The following TMEM235 variants were observed in gnomAD, a reference collection of about 807,000 sequenced individuals.
TMEM235 encodes the protein claudin-27.
In TMEM235, 23 loss-of-function variants were observed where a neutral mutation model predicts 22.9. The ratio of observed to expected loss-of-function variants is 1.00; its 90% CI spans 0.72 to 1.42. The LOEUF is 1.42. Ranked by LOEUF, TMEM235 falls within the 40% of genes most tolerant of loss-of-function variation. The pLI, the probability that TMEM235 is intolerant of heterozygous loss-of-function variation, is 0.00. For missense variants in TMEM235, 308 were observed against 299.5 expected (o/e 1.03, Z -0.21); for synonymous variants, 137 against 140.5 (o/e 0.98, Z 0.17).
At chr17:78,239,668 A>T in intron 5 of TMEM235, 112 bp from the exon 5 acceptor site, 2 of 1,455,336 alleles carry the variant, frequency 1.4e-6, no homozygotes, top group Non-Finnish European at 1.8e-6. Flanking sequence ...CCCCATTCCT[A>T]AGGACCTGGG....
intron 2 of TMEM235, 75 bp from the exon 2 acceptor site, chr17:78,233,820 G>A: frequency 1.5e-6 from 2 of 1,379,186 alleles, no homozygotes; most frequent in South Asian, 2.5e-5. Context: ...GTGCCAGGGG[G>A]TCCCCTGGGC....
In TMEM235 at chr17:78,238,961, C is replaced by G. The variant is rs1021722010; in HGVS notation, c.410-63C>G. 1 of 1,492,796 alleles carries G rather than the reference C, an allele frequency of 6.7e-7. No homozygotes were observed. Among genetic ancestry groups the G allele is most frequent in the African/African-American group, 1.4e-5 (1 of 72,368 alleles). 92.5% of individuals were successfully genotyped at this position (1,492,796 alleles called of 1,614,324 possible). A position where few individuals can be genotyped will look rare whatever the true frequency, so the allele number is the denominator to read the frequency against. On this transcript the variant is annotated intron_variant, in intron 4 of 5. Coordinates refer to ENST00000421688, the Ensembl canonical transcript of TMEM235. This position sits in a 1 kb window ranked among gnomAD's most constrained non-coding sequence, Gnocchi z 4.3. ...GGATGCTGAGGCCATGTCTGCAGGA[C>G]CACCTGGGCCTGGGCCCGCTAGAGC...
chr17:78,239,007 C>A lies in TMEM235; in HGVS notation c.410-17C>A. On this transcript the variant is annotated splice_polypyrimidine_tract_variant and intron_variant, in intron 4 of 5. Coordinates refer to ENST00000421688, the Ensembl canonical transcript of TMEM235. Reference sequence around the variant, plus strand: ...AGAGCAGACACCGAGCAGCTGCCCTCCCCATCTCTCCCCCAGGTGTCCTGA... The same window carrying A: ...AGAGCAGACACCGAGCAGCTGCCCTACCCATCTCTCCCCCAGGTGTCCTGA... 1 of 1,530,984 alleles carries A rather than the reference C, an allele frequency of 6.5e-7. No individual in the cohort carries two copies. The highest frequency in any genetic ancestry group is 8.8e-7 in the Non-Finnish European group (1 of 1,139,180). The allele number at this position is 1,530,984 out of a possible 1,614,324, so 94.8% of individuals were successfully genotyped here. A position where few individuals can be genotyped will look rare whatever the true frequency, so the allele number is the denominator to read the frequency against.
chr17:78,234,197 T>G (rs1262968250), intron 3 of TMEM235: 1 of 702,050 alleles, frequency 1.4e-6, no homozygotes, highest in Non-Finnish European at 2.6e-6. Flanking sequence ...TCCCTCTCAG[T>G]GGTGATGGCT....
intron 2 of TMEM235, 39 bp from the exon 2 acceptor site, chr17:78,233,856 A>C (rs1272516632): frequency 6.5e-7 from 1 of 1,530,472 alleles, no homozygotes; most frequent in East Asian, 2.4e-5. Flanking sequence ...GGTGCACCAC[A>C]GCGTCCAGGC....
chr17:78,240,281 G>A (rs1209384742), exon 6 of TMEM235: 9 of 285,114 alleles, frequency 3.2e-5, no homozygotes, highest in South Asian at 2.5e-4. Context: ...CCTGGCTGAG[G>A]GTGCTTCTTG....
chr17:78,233,138 T>C (rs2076603338), intron 2 of TMEM235, among the ~76,000 whole-genome samples: 1 of 152,230 alleles, frequency 6.6e-6, no homozygotes, highest in South Asian at 2.1e-4. Context: ...CATGCACCTG[T>C]GTGCACGTGT....
In TMEM235 at chr17:78,239,981, C is replaced by T. The variant is rs2076691391; in HGVS notation, c.*189C>T. 3.2e-6 allele frequency: 5 copies of T among 1,546,668 alleles called. No homozygotes were observed. In the East Asian group the frequency reaches 1.2e-4, roughly 38 times the overall value. ...GTGGGGGGCAAGGAGCTGAGCGATCCAGATGTACCCCTCTGCCCCCTCCCT... is the reference window on the plus strand; with the variant it reads ...GTGGGGGGCAAGGAGCTGAGCGATCTAGATGTACCCCTCTGCCCCCTCCCT... On this transcript the variant is annotated 3_prime_UTR_variant, in exon 6 of 6. Transcript: ENST00000421688.
At chr17:78,236,783 G>A (rs545155437) in intron 4 of TMEM235, among the ~76,000 whole-genome samples, 1 of 152,348 alleles carries the variant, frequency 6.6e-6, no homozygotes, top group South Asian at 2.1e-4. Flanking sequence ...TTCTCTGGGA[G>A]GCCTCTGTCA....
chr17:78,239,758 C>A, intron 5 of TMEM235, 22 bp from the exon 5 acceptor site: 1 of 1,531,014 alleles, frequency 6.5e-7, no homozygotes, highest in Non-Finnish European at 8.8e-7. Context: ...TACTCAATGA[C>A]TACCCTTTAT....
At position 78,239,227 on chromosome 17, in the gene TMEM235, AG is replaced by A; in HGVS notation, c.614del (p.Ser205ThrfsTer8). 2 of 1,542,946 alleles carry A rather than the reference AG, an allele frequency of 1.3e-6. No homozygotes were observed. The highest frequency in any genetic ancestry group is 1.7e-6 in the Non-Finnish European group (2 of 1,146,934). ...CTCAGCTGCCTGGACCCTCAGCCTG[AG>A]CCCCCCAATCTGTGGTCATCTGAGT... is the stretch of plus-strand genomic sequence containing the variant. On this transcript the variant is annotated frameshift_variant, in exon 5 of 6. Coordinates refer to ENST00000421688, the Ensembl canonical transcript of TMEM235. LOFTEE classifies it low-confidence loss of function (END_TRUNC).
intron 2 of TMEM235, among the ~76,000 whole-genome samples, chr17:78,233,130 T>C (rs1020613079): frequency 1.3e-5 from 2 of 152,230 alleles, no homozygotes; most frequent in Admixed American, 6.5e-5. Context: ...CCTCCTGACA[T>C]GCACCTGTGT....
In TMEM235 at chr17:78,234,739, G is replaced by A. The variant is rs1241724676; in HGVS notation, c.409+9G>A. 2.0e-6 allele frequency: 3 copies of A among 1,536,060 alleles called. No individual in the cohort carries two copies. Among genetic ancestry groups the A allele is most frequent in the Non-Finnish European group, 2.6e-6 (3 of 1,146,850 alleles). ...CTACTTCCTGCTGGGGAGTGAGTCT[G>A]GGGCCCTGGGGGAATGGCTCCAAAG... On this transcript the variant is annotated intron_variant, in intron 4 of 5. Transcript: ENST00000421688.
intron 2 of TMEM235, among the ~76,000 whole-genome samples, chr17:78,233,154 C>G (rs953922173): frequency 2.0e-5 from 3 of 152,144 alleles, no homozygotes; most frequent in Admixed American, 2.0e-4. Context: ...CGTGTGCACA[C>G]GCCTGTGCCT....
At chr17:78,234,868 G>A (rs1780637782) in intron 4 of TMEM235, 138 bp downstream of exon 3, 3 of 1,120,262 alleles carry the variant, frequency 2.7e-6, no homozygotes, top group Non-Finnish European at 3.7e-6. Flanking sequence ...ATGGAGCCGT[G>A]GCAGGCAGCT....
exon 6 of TMEM235, chr17:78,240,117 T>G (rs971343653): frequency 1.5e-6 from 2 of 1,308,456 alleles, no homozygotes; most frequent in Non-Finnish European, 1.0e-6. Context: ...CCCCCGACCC[T>G]TCCTCTCTGC....
rs9903186 is a variant in TMEM235 at position 78,235,631 on chromosome 17, C to T, written c.409+901C>T. Among the ~76,000 whole-genome samples, 744 of 136,440 alleles carry T rather than the reference C, an allele frequency of 5.5e-3. 5 individuals carry two copies. Among genetic ancestry groups the T allele is most frequent in the African/African-American group, 0.019 (703 of 36,628 alleles). The allele number at this position is 136,440 out of a possible 152,430, so 89.5% of individuals were successfully genotyped here. The stretch of plus-strand genomic sequence containing the variant: ...TTTTTTTTTTTTTGAGACGGAGTCT[C>T]GCTCTGTCTCCTAGGCTGGAGTGCA... On this transcript the variant is annotated intron_variant, in intron 4 of 5. Transcript: ENST00000421688.
In TMEM235 at chr17:78,240,157, GTGCCCTGGTGGGCACAC is replaced by G. The variant is rs1388969154; in HGVS notation, c.*368_*384del. On this transcript the variant is annotated 3_prime_UTR_variant, in exon 6 of 6. Transcript: ENST00000421688. ...ACCCGGGGGAGGTATGCCACTGTGA[GTGCCCTGGTGGGCACAC>G]TGAGCTGGCAGAGATGGAAGTCCCA... is the stretch of plus-strand genomic sequence containing the variant. 3.9e-6 allele frequency: 4 copies of G among 1,013,428 alleles called. No individual in the cohort carries two copies. In the African/African-American group the frequency reaches 4.9e-5, roughly 13 times the overall value. 62.8% of individuals were successfully genotyped at this position (1,013,428 alleles called of 1,614,324 possible). A position where few individuals can be genotyped will look rare whatever the true frequency, so the allele number is the denominator to read the frequency against.
chr17:78,239,088 G>A lies in TMEM235; in HGVS notation c.474G>A (p.Thr158=), dbSNP rs377630810. The A allele has an allele frequency of 3.1e-5, 48 of 1,544,382 alleles. 1 individual carries two copies. Among genetic ancestry groups the A allele is most frequent in the Middle Eastern group, 1.7e-4 (1 of 5,990 alleles). ...ACTCGCACCTGGCCTTTGCGGAGAC[G>A]GTGCAGCAGTATGGCCCGCAGCACA... Residue 158 remains threonine, a synonymous_variant, in exon 5 of 6, where the codon ACG becomes ACA. Coordinates refer to ENST00000421688, the Ensembl canonical transcript of TMEM235.
Sources: gnomAD v4.1 joint callset for allele counts (sites outside exome capture counted in the v4.1 genomes callset) on GRCh38, gnomAD v4.1.1 for gene constraint, Gnocchi (gnomAD v3.1) non-coding constraint, MANE v1.5 for transcripts, NCBI Gene and HGNC (gene_info 2026-07-23, HGNC 2026-07-21) for gene names.